Variants in A1CF observed in about 807,000 individuals in gnomAD.
A1CF encodes the protein APOBEC1 complementation factor.
In A1CF, 48 loss-of-function variants were observed where a neutral mutation model predicts 68.9. That is an observed-to-expected ratio of 0.70 (90% confidence interval 0.55 to 0.89). A1CF has a LOEUF of 0.89. A1CF is among the 40% of genes least tolerant of loss of function. A1CF has a pLI of 0.00. For synonymous variants in A1CF, 272 were observed against 260.4 expected, an observed-to-expected ratio of 1.04 and a Z score of -0.43; for missense variants, 653 against 718.9, an observed-to-expected ratio of 0.91 and a Z score of 1.05.
intron 6 of A1CF, among the ~76,000 whole-genome samples, chr10:50,830,748 C>T (rs1839198504): frequency 6.6e-6 from 1 of 152,052 alleles, no homozygotes; most frequent in Non-Finnish European, 1.5e-5. Context: ...ATGTTTTTCA[C>T]AGAAATAGAA....
chr10:50,843,967 A>G, intron 4 of A1CF, 21 bp downstream of exon 4: 1 of 1,612,276 alleles, frequency 6.2e-7, no homozygotes, highest in Non-Finnish European at 8.5e-7. Context: ...AAGAAAAATT[A>G]AATGTTAAAT....
chr10:50,850,004 C>T (rs180953690), intron 3 of A1CF, among the ~76,000 whole-genome samples: 4 of 152,054 alleles, frequency 2.6e-5, no homozygotes, highest in Admixed American at 2.6e-4. Context: ...CTGTGTTAGC[C>T]AGGAGATTTA....
At chr10:50,808,915 A>T (rs1837961604) in intron 12 of A1CF, among the ~76,000 whole-genome samples, 1 of 152,150 alleles carries the variant, frequency 6.6e-6, no homozygotes, top group Non-Finnish European at 1.5e-5. Context: ...TCATGTTTCT[A>T]GGTCTACTTA....
chr10:50,814,976 A>G (rs146968328), intron 9 of A1CF, among the ~76,000 whole-genome samples: 1 of 152,300 alleles, frequency 6.6e-6, no homozygotes, highest in East Asian at 1.9e-4. Flanking sequence ...TGAGTATGAA[A>G]CTTTTAAGGC....
At chr10:50,819,642 A>T (rs1838549110) in intron 8 of A1CF, among the ~76,000 whole-genome samples, 2 of 152,168 alleles carry the variant, frequency 1.3e-5, no homozygotes, top group South Asian at 4.1e-4. Context: ...TAGGTAACAC[A>T]GTCCCACGTG....
intron 1 of A1CF, among the ~76,000 whole-genome samples, chr10:50,865,167 G>A (rs1840927634): frequency 6.6e-6 from 1 of 152,026 alleles, no homozygotes; most frequent in African/African-American, 2.4e-5. Context: ...TACCTGGGAG[G>A]TGGATCACCT....
In A1CF at chr10:50,805,199, T is replaced by A. The variant is rs966817570; in HGVS notation, c.*1530A>T. The A allele has an allele frequency of 5.9e-5, 9 of 152,318 alleles. No homozygotes were observed. The East Asian group carries it at 1.7e-3, about 29-fold the overall frequency. 9.4% of individuals were successfully genotyped at this position (152,318 alleles called of 1,614,324 possible). A position where few individuals can be genotyped will look rare whatever the true frequency, so the allele number is the denominator to read the frequency against. On this transcript the variant is annotated 3_prime_UTR_variant, in exon 13 of 13. Transcript: ENST00000373997. ...AATTCCATTAAGGAGTTGACAAAAT[T>A]TTCCATGTCTTTGTGTTTATGTTTT...
At chr10:50,880,520 C>T (rs552211195) in intron 1 of A1CF, among the ~76,000 whole-genome samples, 3 of 152,202 alleles carry the variant, frequency 2.0e-5, no homozygotes, top group South Asian at 2.1e-4. Flanking sequence ...TAGGGATCTT[C>T]GGAAAAGAAG....
chr10:50,830,311 A>G (rs1340490855), intron 6 of A1CF, among the ~76,000 whole-genome samples: 1 of 152,188 alleles, frequency 6.6e-6, no homozygotes, highest in Non-Finnish European at 1.5e-5. Context: ...TTCACTTAAT[A>G]TAATGTCCTC....
At chr10:50,846,946 T>C (rs1352389653) in intron 3 of A1CF, among the ~76,000 whole-genome samples, 1 of 152,134 alleles carries the variant, frequency 6.6e-6, no homozygotes, top group Non-Finnish European at 1.5e-5. Flanking sequence ...GTAATGGAAG[T>C]TCAGATCAAT....
Position 50,859,849 on chromosome 10 carries a change from A to C in A1CF, c.92T>G (p.Leu31Trp). Residue 31 changes from leucine (L) to tryptophan (W), a missense_variant, in exon 3 of 13, where the codon TTG becomes TGG. Physicochemically the swap from Leu to Trp is moderately conservative, Grantham distance 61 (BLOSUM62 -2). Transcript: ENST00000373997. ...RALVQRTGYS[L>W]VQENGQRKYG... Reference sequence around the variant, plus strand: ...GATTTCACAAGTTCCTACCTGGACCAAGCTATATCCTGTGCGCTGGACCAG... The same window carrying C: ...GATTTCACAAGTTCCTACCTGGACCCAGCTATATCCTGTGCGCTGGACCAG... The C allele has an allele frequency of 6.2e-7, 1 of 1,613,758 alleles. No homozygotes were observed.
chr10:50,848,883 G>A (rs1173349728), intron 3 of A1CF, among the ~76,000 whole-genome samples: 3 of 152,174 alleles, frequency 2.0e-5, no homozygotes, highest in African/African-American at 7.2e-5. Flanking sequence ...ACCCAGAACA[G>A]TGGTTCTGTG....
Position 50,828,221 on chromosome 10 carries a change from T to G in A1CF, c.679A>C (p.Met227Leu), listed in dbSNP as rs758444196. 6.2e-7 allele frequency: 1 copy of G among 1,607,670 alleles called. No individual in the cohort carries two copies. The highest frequency in any genetic ancestry group is 8.5e-7 in the Non-Finnish European group (1 of 1,175,194). The change falls in exon 7 of 13, where the codon ATG becomes CTG. Residue 227 changes from methionine to leucine, a missense_variant. Met to Leu is a conservative substitution (Grantham distance 15). Transcript: ENST00000373997. ...ACATATAGGATTTTCACTGAAGACA[T>G]TGTATCTTCATCAACTTCTACTTCT... ...EPEVEVDEDT[M>L]SSVKILYVRN...
At chr10:50,816,781 C>T (rs912993149) in intron 8 of A1CF, among the ~76,000 whole-genome samples, 4 of 152,138 alleles carry the variant, frequency 2.6e-5, no homozygotes, top group Admixed American at 2.0e-4. Context: ...CAGCTGATAG[C>T]CCGCTAACTG....
At position 50,836,253 on chromosome 10, in the gene A1CF, C is replaced by T. The variant is rs1839486713; in HGVS notation, c.425G>A (p.Gly142Asp). 6.2e-7 allele frequency: 1 copy of T among 1,613,920 alleles called. No homozygotes were observed. The highest frequency in any genetic ancestry group is 8.5e-7 in the Non-Finnish European group (1 of 1,179,876). The change falls in exon 6 of 13, where the codon GGC becomes GAC. Residue 142 changes from glycine to aspartate, a missense_variant. Coordinates refer to ENST00000373997, the MANE Select transcript of A1CF (RefSeq NM_014576.4). ...SVDNCRLFVG[G>D]IPKTKKREEI... Reference sequence around the variant, plus strand: ...TTCTCTCTTTTTGGTTTTTGGGATGCCCCCAACAAATAATCGGCAGTTGTC... The same window carrying T: ...TTCTCTCTTTTTGGTTTTTGGGATGTCCCCAACAAATAATCGGCAGTTGTC...
At chr10:50,878,054 G>A (rs372184558) in intron 1 of A1CF, among the ~76,000 whole-genome samples, 2 of 152,162 alleles carry the variant, frequency 1.3e-5, no homozygotes, top group Non-Finnish European at 2.9e-5. Flanking sequence ...CCCGGGAAGC[G>A]GAGGTTGCAG....
chr10:50,853,929 G>A (rs1441526791), intron 3 of A1CF, among the ~76,000 whole-genome samples: 2 of 151,554 alleles, frequency 1.3e-5, no homozygotes, highest in Non-Finnish European at 2.9e-5. Context: ...GTAATTCTGG[G>A]GCTTATTTTC....
intron 10 of A1CF, among the ~76,000 whole-genome samples, chr10:50,812,359 G>A (rs566018428): frequency 1.3e-5 from 2 of 152,250 alleles, no homozygotes; most frequent in East Asian, 3.9e-4. Context: ...GTTGGTGGTG[G>A]CATGGTCTTC....
chr10:50,810,672 C>T (rs771824449), intron 11 of A1CF, among the ~76,000 whole-genome samples: 2 of 152,124 alleles, frequency 1.3e-5, no homozygotes, highest in East Asian at 3.9e-4. Flanking sequence ...CTACTACATC[C>T]GGCTAATTTT....
Sources: gnomAD v4.1 joint callset for allele counts (sites outside exome capture counted in the v4.1 genomes callset) on GRCh38, gnomAD v4.1.1 for gene constraint, MANE v1.5 for transcripts, NCBI Gene and HGNC (gene_info 2026-07-23, HGNC 2026-07-21) for gene names.